The following MAP4 variants were observed in gnomAD, a reference collection of about 807,000 sequenced individuals.
The protein encoded by MAP4 is microtubule-associated protein 4.
A neutral mutation model predicts 170.2 loss-of-function variants in MAP4; 76 were observed. That is an observed-to-expected ratio of 0.45 (90% CI 0.37 to 0.54). The LOEUF (loss-of-function observed/expected upper bound fraction) is 0.54, where lower values mean the gene tolerates loss of function less well. MAP4 is among the 20% of genes least tolerant of loss of function. The pLI is 0.00. For synonymous variants in MAP4, 909 were observed against 994.5 expected (o/e 0.91, Z 1.62); for missense variants, 2,506 against 2,748.0 (o/e 0.91, Z 1.97).
At chr3:48,001,714 G>A (rs1283705210) in intron 1 of MAP4, among the ~76,000 whole-genome samples, 2 of 152,028 alleles carry the variant, frequency 1.3e-5, no homozygotes, top group Admixed American at 1.3e-4. Context: ...TGGTTAGGCT[G>A]GTCTCGAACT....
chr3:47,983,329 C>T (rs1264762920), intron 2 of MAP4, among the ~76,000 whole-genome samples: 1 of 152,146 alleles, frequency 6.6e-6, no homozygotes, highest in African/African-American at 2.4e-5. Flanking sequence ...CTCCCTCAGC[C>T]TCCCAAGTAT....
At chr3:47,853,070 T>G (rs1422351989) in intron 20 of MAP4, 93 bp downstream of exon 20, 4 of 1,614,176 alleles carry the variant, frequency 2.5e-6, no homozygotes, top group Non-Finnish European at 3.4e-6. Flanking sequence ...TCATTAAAAT[T>G]TAGGCCACAC....
At chr3:47,991,817 C>T (rs895328675) in intron 2 of MAP4, among the ~76,000 whole-genome samples, 1 of 151,896 alleles carries the variant, frequency 6.6e-6, no homozygotes, top group Non-Finnish European at 1.5e-5. Context: ...TACAGGTGCC[C>T]ACCACCACGC....
intron 3 of MAP4, among the ~76,000 whole-genome samples, chr3:47,953,988 T>C (rs1370131798): frequency 6.6e-6 from 1 of 151,228 alleles, no homozygotes; most frequent in Admixed American, 6.6e-5. Context: ...TACTCCAGCC[T>C]GGGTGACAGA....
intron 5 of MAP4, among the ~76,000 whole-genome samples, chr3:47,920,553 T>C (rs979420417): frequency 2.0e-5 from 3 of 150,382 alleles, no homozygotes; most frequent in South Asian, 2.1e-4. Flanking sequence ...GGTTTTTTTT[T>C]TTTTTTTTTT....
At chr3:48,052,222 T>G (rs1256194498) in intron 1 of MAP4, among the ~76,000 whole-genome samples, 1 of 152,000 alleles carries the variant, frequency 6.6e-6, no homozygotes, top group Admixed American at 6.6e-5. Context: ...AGGGTGGGTT[T>G]TTTTGTTTTT....
chr3:47,918,926 T>C (rs2100041192), intron 5 of MAP4, 85 bp from the exon 6 acceptor site: 2 of 1,230,548 alleles, frequency 1.6e-6, no homozygotes, highest in South Asian at 2.7e-5. Flanking sequence ...TGTTTTGTTT[T>C]GTTTTGTTTG....
intron 2 of MAP4, among the ~76,000 whole-genome samples, chr3:47,980,610 TAAAA>T (rs2100084921): frequency 6.6e-6 from 1 of 151,976 alleles, no homozygotes; most frequent in African/African-American, 2.4e-5. Flanking sequence ...ATAATTTAAA[TAAAA>T]GAAAGAAATA....
At chr3:47,951,659 T>G (rs13076977) in intron 3 of MAP4, among the ~76,000 whole-genome samples, 54,376 of 151,172 alleles carry the variant, frequency 0.36, 10,439 homozygotes, top group African/African-American at 0.51. Flanking sequence ...GTGCTCAATG[T>G]TGCCCAGGCT....
chr3:47,968,107 A>C (rs1417478008), intron 3 of MAP4, among the ~76,000 whole-genome samples: 1 of 152,240 alleles, frequency 6.6e-6, no homozygotes, highest in Non-Finnish European at 1.5e-5. Flanking sequence ...AAATGTAAAA[A>C]GCATGTAAAA....
At position 47,952,401 on chromosome 3, in the gene MAP4, T is replaced by C. The variant is rs1356541806; in HGVS notation, c.293-24051A>G. ...TCTGGGAGGTGTACCCAACAGCTCA[T>C]TGAGAACGGGCCATGATGACAATGG... On this transcript the variant is annotated intron_variant, in intron 3 of 20. Transcript: ENST00000683076. Among the ~76,000 whole-genome samples, 9 of 152,188 alleles carry C rather than the reference T, an allele frequency of 5.9e-5. 1 individual carries two copies. In the South Asian group the frequency reaches 1.9e-3, roughly 32 times the overall value.
chr3:47,901,843 G>A (rs542830415), intron 10 of MAP4, among the ~76,000 whole-genome samples: 1 of 152,302 alleles, frequency 6.6e-6, no homozygotes, highest in African/African-American at 2.4e-5. Flanking sequence ...GAGGGAATAT[G>A]AGGGGAAGAA....
intron 2 of MAP4, among the ~76,000 whole-genome samples, chr3:47,996,647 C>A (rs1040388400): frequency 6.6e-6 from 1 of 152,096 alleles, no homozygotes; most frequent in African/African-American, 2.4e-5. Context: ...AATGACTAAA[C>A]CCAAGAGACA....
chr3:48,000,782 A>G (rs1027272736), intron 1 of MAP4, among the ~76,000 whole-genome samples: 1 of 152,226 alleles, frequency 6.6e-6, no homozygotes, highest in Non-Finnish European at 1.5e-5. Context: ...AAAATATACT[A>G]TGATTCAAGC....
At chr3:48,075,682 A>G (rs1363477272) in intron 1 of MAP4, among the ~76,000 whole-genome samples, 1 of 151,564 alleles carries the variant, frequency 6.6e-6, no homozygotes, top group East Asian at 2.0e-4. Context: ...AACAAATGAA[A>G]AAGATTTTGG....
At chr3:47,877,592 GT>G in intron 10 of MAP4, 69 bp from the exon 11 acceptor site, 2 of 1,071,382 alleles carry the variant, frequency 1.9e-6, no homozygotes, top group South Asian at 1.4e-5. Flanking sequence ...AAAATACAAG[GT>G]TTAGCAAAGA....
Position 47,989,469 on chromosome 3 carries a change from TCTCA to T in MAP4, c.223+9165_223+9168del, listed in dbSNP as rs913598814. On this transcript the variant is annotated intron_variant, in intron 2 of 20. Coordinates refer to ENST00000683076, the MANE Select transcript of MAP4 (RefSeq NM_001385682.1). Reference sequence around the variant, plus strand: ...TCTCACTGTTATTAGCTATTGTTATTCTCACTGTTATTAACTATATGTTGACCAA... The same window carrying T: ...TCTCACTGTTATTAGCTATTGTTATTCTGTTATTAACTATATGTTGACCAA... Among the ~76,000 whole-genome samples the T allele has an allele frequency of 3.1e-4, 47 of 152,310 alleles. 1 individual carries two copies. Among genetic ancestry groups the T allele is most frequent in the Admixed American group, 2.6e-3 (39 of 15,288 alleles).
At chr3:48,019,923 G>T (rs1407186173), upstream of MAP4, among the ~76,000 whole-genome samples, 1 of 152,208 alleles carries the variant, frequency 6.6e-6, no homozygotes, top group African/African-American at 2.4e-5. Flanking sequence ...TAAGCAAAGT[G>T]AAGTTTCACT....
chr3:47,943,220 T>G (rs921801126), intron 3 of MAP4, among the ~76,000 whole-genome samples: 1 of 152,248 alleles, frequency 6.6e-6, no homozygotes, highest in African/African-American at 2.4e-5. Flanking sequence ...CTCCATTTTT[T>G]ATAATTAAAT....
Sources: allele counts gnomAD v4.1 joint callset (sites outside exome capture counted in the v4.1 genomes callset), GRCh38; gene constraint gnomAD v4.1.1; transcripts MANE v1.5; gene names NCBI Gene and HGNC (gene_info 2026-07-23, HGNC 2026-07-21).